The following EYA1 variants were observed in gnomAD, a reference collection of about 807,000 sequenced individuals.
EYA1 encodes EYA transcriptional coactivator and phosphatase 1, also known as protein phosphatase EYA1.
Under a neutral mutation model 82.0 loss-of-function variants are expected in EYA1, and 16 were observed. That is an observed-to-expected ratio of 0.20 (90% CI 0.13 to 0.30). The LOEUF is 0.30. Ranked by LOEUF, EYA1 falls within the 10% of genes least tolerant of loss-of-function variation. The pLI is 1.00. For missense variants in EYA1, 633 were observed against 730.7 expected (o/e 0.87, Z 1.54); for synonymous variants, 261 against 264.4 (o/e 0.99, Z 0.12).
At chr8:71,527,674 C>A (rs1813923251) in intron 2 of EYA1, among the ~76,000 whole-genome samples, 1 of 152,154 alleles carries the variant, frequency 6.6e-6, no homozygotes, top group African/African-American at 2.4e-5. Flanking sequence ...AGTTCTGCAT[C>A]CCATCTGCAG....
intron 11 of EYA1, among the ~76,000 whole-genome samples, chr8:71,245,851 G>A (rs1295552719): frequency 6.6e-6 from 1 of 152,142 alleles, no homozygotes; most frequent in African/African-American, 2.4e-5. Flanking sequence ...GCATCAAACA[G>A]CCCATGCCAT....
intron 2 of EYA1, among the ~76,000 whole-genome samples, chr8:71,484,968 C>T (rs976488379): frequency 6.6e-6 from 1 of 152,242 alleles, no homozygotes; most frequent in Non-Finnish European, 1.5e-5. Flanking sequence ...AAGCTCTGTG[C>T]CTCTAGCAGC....
chr8:71,512,771 C>G (rs1384394421), intron 2 of EYA1, among the ~76,000 whole-genome samples: 1 of 151,798 alleles, frequency 6.6e-6, no homozygotes, highest in Non-Finnish European at 1.5e-5. Context: ...TTAAACTTTC[C>G]AATCAAAAAA....
chr8:71,235,297 C>T (rs1171099578), intron 12 of EYA1, among the ~76,000 whole-genome samples: 1 of 152,126 alleles, frequency 6.6e-6, no homozygotes, highest in African/African-American at 2.4e-5. Flanking sequence ...TATTCTTTAC[C>T]ATGGTCTACA....
chr8:71,250,360 A>G (rs1813604050), intron 11 of EYA1, among the ~76,000 whole-genome samples: 1 of 152,016 alleles, frequency 6.6e-6, no homozygotes, highest in Non-Finnish European at 1.5e-5. Flanking sequence ...GAGCCTGTAC[A>G]CTCACATCTC....
intron 2 of EYA1, among the ~76,000 whole-genome samples, chr8:71,437,217 T>C (rs1363143778): frequency 1.3e-5 from 2 of 151,862 alleles, no homozygotes; most frequent in East Asian, 3.8e-4. Flanking sequence ...GAAAAGCTGT[T>C]ATTTAAGTCA....
chr8:71,233,391 CG>C, intron 12 of EYA1, among the ~76,000 whole-genome samples: 1 of 151,744 alleles, frequency 6.6e-6, no homozygotes, highest in Middle Eastern at 3.2e-3. Context: ...AGTGAAACCC[CG>C]TCTCTACTAA....
chr8:71,199,961 G>T lies in EYA1; in HGVS notation c.1699-541C>A, dbSNP rs1012401232. 6 of 155,096 alleles carry T rather than the reference G, an allele frequency of 3.9e-5. No individual in the cohort carries two copies. In the South Asian group the frequency reaches 9.7e-4, roughly 25 times the overall value. 9.6% of individuals were successfully genotyped at this position (155,096 alleles called of 1,614,324 possible). ...ACGTTTTAAATGAACATCTAACGTT[G>T]TTTTTTTTGTTTTGTTTTAGGTTTT... is the stretch of plus-strand genomic sequence containing the variant. On this transcript the variant is annotated intron_variant, in intron 17 of 17. Transcript: ENST00000340726.
chr8:71,493,231 G>A (rs1252538738), intron 2 of EYA1, among the ~76,000 whole-genome samples: 1 of 152,198 alleles, frequency 6.6e-6, no homozygotes, highest in Non-Finnish European at 1.5e-5. Flanking sequence ...ACATATGTGT[G>A]TGTGTGTCTT....
At chr8:71,322,007 G>C in intron 5 of EYA1, 128 bp from the exon 6 acceptor site, 1 of 1,320,202 alleles carries the variant, frequency 7.6e-7, no homozygotes. Flanking sequence ...ACACAGAATT[G>C]ACAAAGCACT....
At chr8:71,323,560 C>G (rs1390146484) in intron 4 of EYA1, among the ~76,000 whole-genome samples, 1 of 152,164 alleles carries the variant, frequency 6.6e-6, no homozygotes, top group Non-Finnish European at 1.5e-5. Context: ...TGTCCAGGAA[C>G]AGTAGATCTA....
At chr8:71,450,907 G>T (rs1169854682) in intron 2 of EYA1, among the ~76,000 whole-genome samples, 1 of 152,176 alleles carries the variant, frequency 6.6e-6, no homozygotes, top group Non-Finnish European at 1.5e-5. Flanking sequence ...TCCGTAAAAT[G>T]ACTTCACAAG....
intron 12 of EYA1, chr8:71,225,066 A>G: frequency 1.0e-5 from 3 of 297,982 alleles, no homozygotes; most frequent in Non-Finnish European, 2.0e-5. Context: ...TGAATTAGTA[A>G]ATTTGCAGGA....
chr8:71,526,844 G>C (rs1392523171), intron 2 of EYA1, among the ~76,000 whole-genome samples: 1 of 152,112 alleles, frequency 6.6e-6, no homozygotes, highest in Admixed American at 6.6e-5. Flanking sequence ...CATCCAAAGG[G>C]ACCCCCTTAC....
At chr8:71,288,899 A>C (rs577356769) in intron 9 of EYA1, among the ~76,000 whole-genome samples, 1 of 152,338 alleles carries the variant, frequency 6.6e-6, no homozygotes, top group Non-Finnish European at 1.5e-5. Context: ...ATTAATCAAG[A>C]GGTCCCTGAA....
chr8:71,396,962 C>A (rs748315942), intron 2 of EYA1, among the ~76,000 whole-genome samples: 1 of 152,172 alleles, frequency 6.6e-6, no homozygotes, highest in Non-Finnish European at 1.5e-5. Flanking sequence ...CTTTATGAAT[C>A]TGGGTGCTCC....
chr8:71,207,446 ATAT>A (rs1807942293), intron 17 of EYA1, among the ~76,000 whole-genome samples: 1 of 152,248 alleles, frequency 6.6e-6, no homozygotes, highest in Non-Finnish European at 1.5e-5. Context: ...AGAAATCGAG[ATAT>A]TGTGAAAAAT....
intron 2 of EYA1, among the ~76,000 whole-genome samples, chr8:71,436,759 ACTT>A (rs1196689592): frequency 6.6e-6 from 1 of 152,102 alleles, no homozygotes; most frequent in South Asian, 2.1e-4. Context: ...ATTATTTTGC[ACTT>A]CTTCTCTCTT....
At chr8:71,305,149 T>A (rs1820587462) in intron 7 of EYA1, among the ~76,000 whole-genome samples, 2 of 143,276 alleles carry the variant, frequency 1.4e-5, no homozygotes, top group African/African-American at 2.5e-5. Flanking sequence ...TTATTTGTAA[T>A]GTTTGGAATT....
Sources: allele counts gnomAD v4.1 joint callset (sites outside exome capture counted in the v4.1 genomes callset), GRCh38; gene constraint gnomAD v4.1.1; transcripts MANE v1.5; gene names NCBI Gene and HGNC (gene_info 2026-07-23, HGNC 2026-07-21).